Variants in VWDE observed in about 807,000 individuals in gnomAD.
VWDE encodes the protein von Willebrand factor D and EGF domains, also known as von Willebrand factor D and EGF domain-containing protein.
VWDE carries 207 observed loss-of-function variants against 178.4 expected under a neutral mutation model. That is an observed-to-expected ratio of 1.16 (90% CI 1.04 to 1.30). VWDE has a LOEUF of 1.30. Ranked by LOEUF, VWDE falls within the 50% of genes most tolerant of loss-of-function variation. VWDE has a pLI of 0.00. For missense variants in VWDE, 2,287 were observed against 1,901.3 expected, an observed-to-expected ratio of 1.20 and a Z score of -3.77; for synonymous variants, 738 against 651.4, an observed-to-expected ratio of 1.13 and a Z score of -2.02.
At chr7:12,349,186 C>G (rs1034055342) in intron 19 of VWDE, among the ~76,000 whole-genome samples, 1 of 151,468 alleles carries the variant, frequency 6.6e-6, no homozygotes, top group Non-Finnish European at 1.5e-5. Context: ...TGTAACTAAC[C>G]TACACATTGT....
intron 3 of VWDE, among the ~76,000 whole-genome samples, chr7:12,388,389 AT>A (rs60615073): frequency 0.093 from 14,079 of 150,680 alleles, 757 homozygotes; most frequent in African/African-American, 0.14. Context: ...AAATTAGTAG[AT>A]TTTTTTTTTC....
chr7:12,358,151 A>G (rs1562482085), intron 16 of VWDE, among the ~76,000 whole-genome samples: 3 of 152,064 alleles, frequency 2.0e-5, no homozygotes, highest in Non-Finnish European at 4.4e-5. Context: ...CCAAGGCAGG[A>G]GGATCACTTG....
intron 3 of VWDE, among the ~76,000 whole-genome samples, chr7:12,387,710 AG>A (rs1381916745): frequency 6.6e-6 from 1 of 151,980 alleles, no homozygotes; most frequent in East Asian, 1.9e-4. Context: ...TAGCTTGGGG[AG>A]TCTAACAACC....
At chr7:12,354,901 T>C (rs1782141725) in intron 18 of VWDE, among the ~76,000 whole-genome samples, 1 of 152,064 alleles carries the variant, frequency 6.6e-6, no homozygotes, top group African/African-American at 2.4e-5. Flanking sequence ...TTCATGAAAG[T>C]TGTTTGTGTT....
intron 24 of VWDE, among the ~76,000 whole-genome samples, chr7:12,338,227 G>C (rs991110117): frequency 6.6e-6 from 1 of 151,810 alleles, no homozygotes; most frequent in African/African-American, 2.4e-5. Flanking sequence ...ATAACTGAAA[G>C]CTTTTAGCAA....
chr7:12,342,018 C>G, intron 23 of VWDE, 41 bp downstream of exon 23: 1 of 1,493,600 alleles, frequency 6.7e-7, no homozygotes, highest in Non-Finnish European at 9.1e-7. Context: ...CATATTTTAA[C>G]TTTTAATTGA....
At position 12,385,720 on chromosome 7, in the gene VWDE, C is replaced by A. The variant is rs180978925; in HGVS notation, c.476-2119G>T. ...CTATCTATGCAGTCTAATTTAAGTTCTAAACGGTATTCCAAGGCAAGCTTC... is the reference window on the plus strand; with the variant it reads ...CTATCTATGCAGTCTAATTTAAGTTATAAACGGTATTCCAAGGCAAGCTTC... On this transcript the variant is annotated intron_variant, in intron 3 of 28. Transcript: ENST00000275358. Among the ~76,000 whole-genome samples, 17 of 152,258 alleles carry A rather than the reference C, an allele frequency of 1.1e-4. No homozygotes were observed. In the East Asian group the frequency reaches 3.3e-3, roughly 29 times the overall value.
At chr7:12,332,979 G>A (rs906560444) in intron 28 of VWDE, among the ~76,000 whole-genome samples, 2 of 152,108 alleles carry the variant, frequency 1.3e-5, no homozygotes, top group African/African-American at 4.8e-5. Flanking sequence ...CTGTATGTTT[G>A]TATGAGAGAG....
intron 7 of VWDE, among the ~76,000 whole-genome samples, chr7:12,376,043 C>T (rs1783509627): frequency 6.6e-6 from 1 of 151,986 alleles, no homozygotes; most frequent in Admixed American, 6.6e-5. Flanking sequence ...TCTTTTCTTC[C>T]ATACAGATTT....
chr7:12,334,543 A>G (rs1243745369), intron 27 of VWDE, among the ~76,000 whole-genome samples: 1 of 152,240 alleles, frequency 6.6e-6, no homozygotes, highest in African/African-American at 2.4e-5. Context: ...CACATGATAC[A>G]TATCATAGAT....
chr7:12,364,267 C>A (rs1020346538), intron 13 of VWDE, among the ~76,000 whole-genome samples: 1 of 151,942 alleles, frequency 6.6e-6, no homozygotes, highest in Admixed American at 6.6e-5. Flanking sequence ...ATTAAAAGGG[C>A]CAAGAAGGAT....
At chr7:12,371,929 T>A (rs952524100) in intron 10 of VWDE, among the ~76,000 whole-genome samples, 12 of 151,124 alleles carry the variant, frequency 7.9e-5, no homozygotes, top group African/African-American at 1.5e-4. Flanking sequence ...TCCTTAACTA[T>A]TTTTTTTTAC....
rs1781328504 is a variant in VWDE at position 12,341,512 on chromosome 7, A to C, written c.4270+547T>G. Among the ~76,000 whole-genome samples, 6 of 151,972 alleles carry C rather than the reference A, an allele frequency of 3.9e-5. No individual in the cohort carries two copies. The South Asian group carries it at 1.2e-3, about 32-fold the overall frequency. On this transcript the variant is annotated intron_variant, in intron 23 of 28. Coordinates refer to ENST00000275358, the MANE Select transcript of VWDE (RefSeq NM_001135924.3). ...CTAGGCATGGTGGCATGCTCCTGTA[A>C]TCCCAGCTACTCGGGAGGCTGAGGC...
intron 6 of VWDE, among the ~76,000 whole-genome samples, chr7:12,378,777 G>C (rs1783677420): frequency 6.6e-6 from 1 of 152,054 alleles, no homozygotes; most frequent in Non-Finnish European, 1.5e-5. Context: ...TGTGTACATG[G>C]ACTTTATTCA....
At chr7:12,371,097 T>G (rs555465858) in intron 10 of VWDE, among the ~76,000 whole-genome samples, 23 of 152,236 alleles carry the variant, frequency 1.5e-4, no homozygotes, top group Admixed American at 6.5e-4. Context: ...TTTATTGAAA[T>G]ATATTGCTTG....
chr7:12,403,008 G>A (rs1226483331), intron 1 of VWDE, among the ~76,000 whole-genome samples: 1 of 151,892 alleles, frequency 6.6e-6, no homozygotes, highest in African/African-American at 2.4e-5. Context: ...AAGCAAAAAG[G>A]GCTAATGAAA....
rs879193327 is a variant in VWDE at position 12,393,736 on chromosome 7, G to A, written c.101C>T (p.Pro34Leu). 6.4e-7 allele frequency: 1 copy of A among 1,550,710 alleles called. No individual in the cohort carries two copies. Among genetic ancestry groups the A allele is most frequent in the Non-Finnish European group, 8.7e-7 (1 of 1,146,460 alleles). The change falls in exon 2 of 29, where the codon CCT becomes CTT. Residue 34 changes from proline (P) to leucine (L), a missense_variant. Pro to Leu is a moderately conservative substitution (Grantham distance 98). Coordinates refer to ENST00000275358, the MANE Select transcript of VWDE (RefSeq NM_001135924.3). The stretch of plus-strand genomic sequence containing the variant: ...TGAGTCAAAACGGACACTTCTATAA[G>A]GACTCCGAAGAAACTGGTGTCCCCC... ...SPGGHQFLRS[P>L]YRSVRFDSWH...
At chr7:12,376,779 G>C (rs1783551642) in intron 7 of VWDE, among the ~76,000 whole-genome samples, 1 of 152,028 alleles carries the variant, frequency 6.6e-6, no homozygotes, top group Non-Finnish European at 1.5e-5. Flanking sequence ...TGAGCGAGTA[G>C]GTAGGTATTA....
At chr7:12,352,699 T>C (rs1208563471) in intron 18 of VWDE, among the ~76,000 whole-genome samples, 2 of 152,140 alleles carry the variant, frequency 1.3e-5, no homozygotes, top group African/African-American at 4.8e-5. Flanking sequence ...GTGTTGCTCA[T>C]ATCTGTGGGG....
Sources: gnomAD v4.1 joint callset for allele counts (sites outside exome capture counted in the v4.1 genomes callset) on GRCh38, gnomAD v4.1.1 for gene constraint, MANE v1.5 for transcripts, NCBI Gene and HGNC (gene_info 2026-07-23, HGNC 2026-07-21) for gene names.